Variants in CRYBG3 observed in about 807,000 individuals in gnomAD.
CRYBG3 encodes very large A-kinase anchor protein.
Under a neutral mutation model 244.2 loss-of-function variants are expected in CRYBG3, and 127 were observed. The observed-to-expected ratio is 0.52, with a 90% CI of 0.45 to 0.60. The LOEUF is 0.60. Ranked by LOEUF, CRYBG3 falls within the 20% of genes least tolerant of loss-of-function variation. The pLI, the probability that CRYBG3 is intolerant of heterozygous loss-of-function variation, is 0.00. For synonymous variants in CRYBG3, 1,132 were observed against 1,195.8 expected (o/e 0.95, Z 1.10); for missense variants, 3,325 against 3,442.5 (o/e 0.97, Z 0.85).
At chr3:97,936,571 A>T (rs1448804472) in intron 18 of CRYBG3, among the ~76,000 whole-genome samples, 2 of 152,102 alleles carry the variant, frequency 1.3e-5, no homozygotes, top group Non-Finnish European at 2.9e-5. Context: ...GGAAGAAAGG[A>T]AACCAGCATT....
At chr3:97,936,716 C>T (rs1436888146) in intron 18 of CRYBG3, 69 bp from the exon 19 acceptor site, 2 of 1,524,994 alleles carry the variant, frequency 1.3e-6, no homozygotes, top group Non-Finnish European at 1.8e-6. Flanking sequence ...AGGCAAAGTG[C>T]AGATACTTTT....
chr3:97,828,984 G>A lies in CRYBG3; in HGVS notation c.149+6629G>A, dbSNP rs1016511922. Among the ~76,000 whole-genome samples, 8 of 152,054 alleles carry A rather than the reference G, an allele frequency of 5.3e-5. No homozygotes were observed. The South Asian group carries it at 1.0e-3, about 20-fold the overall frequency. On this transcript the variant is annotated intron_variant, in intron 1 of 21. Transcript: ENST00000389622. Reference sequence around the variant, plus strand: ...TTGCATAACTTATTTTGGGGGTATGGGGAACTGAGTGAAGGGATGAGAGGC... The same window carrying A: ...TTGCATAACTTATTTTGGGGGTATGAGGAACTGAGTGAAGGGATGAGAGGC...
chr3:97,883,305 G>A (rs947807228), intron 7 of CRYBG3, among the ~76,000 whole-genome samples: 35 of 152,260 alleles, frequency 2.3e-4, no homozygotes, highest in Admixed American at 2.6e-4. Flanking sequence ...CCATTTGAGT[G>A]CTCACTCTAT....
chr3:97,893,150 C>T (rs906408765), intron 11 of CRYBG3, among the ~76,000 whole-genome samples, 157 bp downstream of exon 11: 6 of 152,152 alleles, frequency 3.9e-5, no homozygotes, highest in Non-Finnish European at 5.9e-5. Context: ...TTATGGTTTT[C>T]TGTGGACTCT....
intron 15 of CRYBG3, among the ~76,000 whole-genome samples, chr3:97,910,692 A>G (rs2039861169): frequency 6.6e-6 from 1 of 152,212 alleles, no homozygotes; most frequent in Non-Finnish European, 1.5e-5. Context: ...ATGGAAATGC[A>G]GAAATCACCG....
intron 1 of CRYBG3, among the ~76,000 whole-genome samples, chr3:97,830,236 TTGC>T (rs1352677018): frequency 6.6e-6 from 1 of 152,230 alleles, no homozygotes; most frequent in Non-Finnish European, 1.5e-5. Flanking sequence ...CATTTGCTTA[TTGC>T]TGCTACTTCT....
intron 17 of CRYBG3, among the ~76,000 whole-genome samples, chr3:97,919,163 G>T (rs903489812): frequency 3.9e-5 from 6 of 152,088 alleles, no homozygotes; most frequent in African/African-American, 1.4e-4. Flanking sequence ...AAAAACTTGA[G>T]ATTAATTTTT....
At chr3:97,832,576 G>C (rs1210575268) in intron 1 of CRYBG3, among the ~76,000 whole-genome samples, 1 of 152,076 alleles carries the variant, frequency 6.6e-6, no homozygotes, top group Non-Finnish European at 1.5e-5. Context: ...ACTCAAGATG[G>C]ATTAAAGACT....
At chr3:97,938,741 G>C (rs1319088499) in intron 19 of CRYBG3, among the ~76,000 whole-genome samples, 4 of 151,954 alleles carry the variant, frequency 2.6e-5, no homozygotes, top group African/African-American at 9.7e-5. Flanking sequence ...TATATGAACA[G>C]TCTGATATGG....
intron 1 of CRYBG3, among the ~76,000 whole-genome samples, chr3:97,825,998 T>C (rs1233320651): frequency 6.6e-6 from 1 of 151,060 alleles, no homozygotes; most frequent in Non-Finnish European, 1.5e-5. Context: ...AACTAGTTAG[T>C]TGGATAGGAG....
At chr3:97,866,524 T>C (rs1343168095) in intron 3 of CRYBG3, among the ~76,000 whole-genome samples, 1 of 152,230 alleles carries the variant, frequency 6.6e-6, no homozygotes, top group African/African-American at 2.4e-5. Flanking sequence ...TGAAGCAGAA[T>C]CTCTGCAGGA....
intron 17 of CRYBG3, among the ~76,000 whole-genome samples, chr3:97,920,732 G>A (rs919483949): frequency 1.3e-5 from 2 of 152,110 alleles, no homozygotes; most frequent in Non-Finnish European, 2.9e-5. Flanking sequence ...GTTTCACCAT[G>A]TTGGCCAGGC....
intron 1 of CRYBG3, among the ~76,000 whole-genome samples, chr3:97,840,937 A>G (rs760353679): frequency 5.3e-5 from 8 of 152,046 alleles, no homozygotes; most frequent in Admixed American, 3.9e-4. Context: ...ATAGACCAAA[A>G]TCAATTCACG....
Position 97,876,765 on chromosome 3 carries a change from T to C in CRYBG3, c.5571T>C (p.Ile1857=). ...KISPEDRGEN[I]GKHKVLPAVV... Reference sequence around the variant, plus strand: ...CCCCAGAAGATCGTGGTGAGAATATTGGGAAACACAAAGTGTTACCCGCAG... The same window carrying C: ...CCCCAGAAGATCGTGGTGAGAATATCGGGAAACACAAAGTGTTACCCGCAG... The change falls in exon 4 of 22, where the codon ATT becomes ATC. Residue 1857 remains isoleucine, a synonymous_variant. Coordinates refer to ENST00000389622, the MANE Select transcript of CRYBG3 (RefSeq NM_153605.4). 7.9e-7 allele frequency: 1 copy of C among 1,262,238 alleles called. No individual in the cohort carries two copies. The highest frequency in any genetic ancestry group is 9.9e-7 in the Non-Finnish European group (1 of 1,006,454). 78.2% of individuals were successfully genotyped at this position (1,262,238 alleles called of 1,614,324 possible). A position where few individuals can be genotyped will look rare whatever the true frequency, so the allele number is the denominator to read the frequency against.
In CRYBG3 at chr3:97,936,800, A is replaced by G; in HGVS notation, c.8397A>G (p.Glu2799=). 6.2e-7 allele frequency: 1 copy of G among 1,612,886 alleles called. No individual in the cohort carries two copies. The highest frequency in any genetic ancestry group is 8.5e-7 in the Non-Finnish European group (1 of 1,179,292). Residue 2799 remains glutamate (E), a synonymous_variant, in exon 19 of 22, where the codon GAA becomes GAG. Transcript: ENST00000389622. ...GTTCTCATAGATGGATAGCTTATGA[A>G]GGATCCAATTTCTTGGGAAGACAAA... The part of the protein sequence containing the change: ...WVKSGLWIAY[E]GSNFLGRQIL...
Position 97,874,259 on chromosome 3 carries a change from C to T in CRYBG3, c.3065C>T (p.Ala1022Val), listed in dbSNP as rs567939378. 6 of 1,535,152 alleles carry T rather than the reference C, an allele frequency of 3.9e-6. No individual in the cohort carries two copies. The South Asian group carries it at 7.2e-5, about 18-fold the overall frequency. ...TCCAGTTTGGAAAAAAATTCTTCTG[C>T]ATCTGAGGACTCAAGCTTCCTTAAA... ...SDSSLEKNSS[A>V]SEDSSFLKVP... The change falls in exon 4 of 22, where the codon GCA (alanine) becomes GTA (valine). Residue 1022 changes from alanine (A) to valine (V), a missense_variant. Physicochemically the swap from Ala to Val is moderately conservative, Grantham distance 64. Coordinates refer to ENST00000389622, the MANE Select transcript of CRYBG3 (RefSeq NM_153605.4).
intron 2 of CRYBG3, among the ~76,000 whole-genome samples, chr3:97,851,041 A>G (rs369953124): frequency 2.1e-4 from 32 of 152,062 alleles, no homozygotes; most frequent in African/African-American, 7.2e-4. Flanking sequence ...GCTGAGGCAG[A>G]AGAATGGCTT....
chr3:97,910,862 A>G (rs1005437021), intron 15 of CRYBG3, among the ~76,000 whole-genome samples: 2 of 152,178 alleles, frequency 1.3e-5, no homozygotes, highest in Non-Finnish European at 2.9e-5. Flanking sequence ...TTAGCCTCAC[A>G]TTTTATACAT....
At chr3:97,864,141 C>A in intron 2 of CRYBG3, 76 bp from the exon 3 acceptor site, 2 of 1,174,270 alleles carry the variant, frequency 1.7e-6, no homozygotes, top group Non-Finnish European at 2.3e-6. Context: ...TACACAGAAT[C>A]TGTTTTATAA....
Sources: allele counts gnomAD v4.1 joint callset (sites outside exome capture counted in the v4.1 genomes callset), GRCh38; gene constraint gnomAD v4.1.1; transcripts MANE v1.5; gene names NCBI Gene and HGNC (gene_info 2026-07-23, HGNC 2026-07-21).